The following MGMT variants were observed in gnomAD, a reference collection of about 807,000 sequenced individuals.
MGMT encodes the protein O-6-methylguanine-DNA methyltransferase.
MGMT carries 14 observed loss-of-function variants against 15.9 expected under a neutral mutation model. The observed-to-expected ratio is 0.88, with a 90% confidence interval of 0.58 to 1.37. MGMT has a LOEUF of 1.37. Ranked by LOEUF, MGMT falls within the 40% of genes most tolerant of loss-of-function variation. MGMT has a pLI of 0.00. For synonymous variants in MGMT, 130 were observed against 118.2 expected (o/e 1.10, Z -0.65); for missense variants, 282 against 268.1 (o/e 1.05, Z -0.36).
rs898679808 is a variant in MGMT, at chr10:129,702,780, G to A, written c.126-5115G>A. 2.0e-5 allele frequency among the ~76,000 whole-genome samples: 3 copies of A among 152,366 alleles called. No individual in the cohort carries two copies. In the East Asian group the frequency reaches 5.8e-4, roughly 29 times the overall value. Reference sequence around the variant, plus strand: ...GGACCACAGGGCCGGCATTTCAGTGGTGGGTGAGTTGCAGGGCCCCTGGGG... The same window carrying A: ...GGACCACAGGGCCGGCATTTCAGTGATGGGTGAGTTGCAGGGCCCCTGGGG... On this transcript the variant is annotated intron_variant, in intron 2 of 4. Transcript: ENST00000651593.
intron 2 of MGMT, among the ~76,000 whole-genome samples, chr10:129,594,998 G>C (rs369573508): frequency 1.3e-5 from 2 of 152,168 alleles, no homozygotes; most frequent in Non-Finnish European, 2.9e-5. Flanking sequence ...AGCGCCCCAC[G>C]TCTCACGGTT....
At chr10:129,760,107 G>A (rs1000095108) in intron 4 of MGMT, among the ~76,000 whole-genome samples, 11 of 152,268 alleles carry the variant, frequency 7.2e-5, no homozygotes, top group African/African-American at 2.7e-4. Flanking sequence ...CGTGGCCTGT[G>A]GTGCCTGGGG....
intron 2 of MGMT, among the ~76,000 whole-genome samples, chr10:129,636,670 T>C (rs1847268481): frequency 6.6e-6 from 1 of 152,226 alleles, no homozygotes; most frequent in African/African-American, 2.4e-5. Flanking sequence ...TAGATTGTTT[T>C]GTGGATACCC....
chr10:129,769,695 CCTT>C lies in MGMT; in HGVS notation c.*2701_*2703del, dbSNP rs1475788122. On this transcript the variant is annotated 3_prime_UTR_variant, in exon 5 of 5. Transcript: ENST00000651593. The stretch of plus-strand genomic sequence containing the variant: ...GAGACTGAGTTTTGTGAGGGGTTGT[CCTT>C]CTCCCAGTCTCTCTTCCCGCTGGGA... 6.6e-6 allele frequency among the ~76,000 whole-genome samples: 1 copy of C among 152,186 alleles called. No individual in the cohort carries two copies. The highest frequency in any genetic ancestry group is 2.4e-5 in the African/African-American group (1 of 41,450).
intron 2 of MGMT, among the ~76,000 whole-genome samples, chr10:129,624,102 G>A (rs534936599): frequency 4.6e-5 from 7 of 152,398 alleles, no homozygotes; most frequent in East Asian, 1.9e-4. Context: ...GCGCCTGCGC[G>A]AATCTTCTTG....
intron 2 of MGMT, among the ~76,000 whole-genome samples, chr10:129,656,842 T>G (rs570145561): frequency 6.6e-6 from 1 of 152,180 alleles, no homozygotes; most frequent in South Asian, 2.1e-4. Context: ...GTTTCCAGCT[T>G]GACTTTCCCC....
At chr10:129,624,597 A>G (rs1310670182) in intron 2 of MGMT, among the ~76,000 whole-genome samples, 10 of 152,366 alleles carry the variant, frequency 6.6e-5, no homozygotes, top group Middle Eastern at 6.8e-3. Flanking sequence ...CGAAATAGCA[A>G]ACATACCTGA....
At chr10:129,666,315 GT>G (rs2133109221) in intron 2 of MGMT, among the ~76,000 whole-genome samples, 1 of 152,216 alleles carries the variant, frequency 6.6e-6, no homozygotes, top group South Asian at 2.1e-4. Flanking sequence ...TTGATTCAGG[GT>G]GCATTCACTA....
chr10:129,684,051 C>A (rs1172942368), intron 2 of MGMT, among the ~76,000 whole-genome samples: 2 of 152,234 alleles, frequency 1.3e-5, no homozygotes, highest in African/African-American at 4.8e-5. Flanking sequence ...CTGGTCCCCT[C>A]TGTATTTGCT....
Position 129,571,282 on chromosome 10 carries a change from C to G in MGMT, c.125+34905C>G, listed in dbSNP as rs72838507. Among the ~76,000 whole-genome samples the G allele has an allele frequency of 6.5e-3, 993 of 152,280 alleles. 11 individuals are homozygous for G. The highest frequency in any genetic ancestry group is 8.7e-3 in the South Asian group (42 of 4,816). On this transcript the variant is annotated intron_variant, in intron 2 of 4. Coordinates refer to ENST00000651593, the MANE Select transcript of MGMT (RefSeq NM_002412.5). The stretch of plus-strand genomic sequence containing the variant: ...CAGCCTTCTTACTTCTTAAATGATA[C>G]AGGCGATATTTCCTGTAATAAACAC...
Position 129,708,019 on chromosome 10 carries a change from C to T in MGMT, c.250C>T (p.Leu84Phe), listed in dbSNP as rs12917. ...TATCGAAGAGTTCCCCGTGCCGGCT[C>T]TTCACCATCCCGTTTTCCAGCAAGG... Reference protein sequence around the residue: ...EAIEEFPVPALHHPVFQQESF... With the variant: ...EAIEEFPVPAFHHPVFQQESF... The change falls in exon 3 of 5, where the codon CTT becomes TTT. Residue 84 changes from leucine to phenylalanine, a missense_variant. Coordinates refer to ENST00000651593, the MANE Select transcript of MGMT (RefSeq NM_002412.5). 0.13 allele frequency: 211,813 copies of T among 1,612,866 alleles called. 14,557 individuals carry two copies. The highest frequency in any genetic ancestry group is 0.22 in the Admixed American group (12,930 of 59,776).
chr10:129,562,380 G>A (rs1846291090), intron 2 of MGMT, among the ~76,000 whole-genome samples: 1 of 152,204 alleles, frequency 6.6e-6, no homozygotes. Flanking sequence ...TGATTACAGT[G>A]GGCTGCCATG....
At position 129,532,848 on chromosome 10, in the gene MGMT, TAGTGTCTG is replaced by T. The variant is rs1845947357; in HGVS notation, c.-12-3391_-12-3384del. Among the ~76,000 whole-genome samples the T allele has an allele frequency of 6.6e-6, 1 of 152,180 alleles. No individual in the cohort carries two copies. Among genetic ancestry groups the T allele is most frequent in the Non-Finnish European group, 1.5e-5 (1 of 68,032 alleles). ...GAGGCTTGAGAGAGGAGTGCGCAGCTAGTGTCTGACCAGCCCCCACATGGGGCACTCCC... is the reference window on the plus strand; with the variant it reads ...GAGGCTTGAGAGAGGAGTGCGCAGCTACCAGCCCCCACATGGGGCACTCCC... On this transcript the variant is annotated intron_variant, in intron 1 of 4. Transcript: ENST00000651593. The surrounding 1 kb of genome is among the most constrained non-coding windows in gnomAD (Gnocchi z 5.3).
At chr10:129,763,482 T>C (rs1848898480) in intron 4 of MGMT, among the ~76,000 whole-genome samples, 2 of 152,194 alleles carry the variant, frequency 1.3e-5, no homozygotes, top group African/African-American at 2.4e-5. Context: ...GTCATTGTTA[T>C]TCCGTGCCAT....
At chr10:129,729,758 G>C (rs1192415463) in intron 3 of MGMT, among the ~76,000 whole-genome samples, 1 of 152,204 alleles carries the variant, frequency 6.6e-6, no homozygotes, top group Non-Finnish European at 1.5e-5. Flanking sequence ...TTAGGGCCCA[G>C]CTCCTTTCCG....
intron 2 of MGMT, among the ~76,000 whole-genome samples, chr10:129,654,023 C>T (rs1204121581): frequency 1.3e-5 from 2 of 152,118 alleles, no homozygotes; most frequent in Non-Finnish European, 2.9e-5. Flanking sequence ...AGACTGCGGC[C>T]TGTGCTGGGC....
intron 2 of MGMT, among the ~76,000 whole-genome samples, chr10:129,705,318 G>A (rs1376685595): frequency 2.0e-5 from 3 of 152,244 alleles, no homozygotes; most frequent in African/African-American, 7.2e-5. Context: ...GGTTCGTGCT[G>A]CTGAGGCCCT....
chr10:129,712,926 C>T (rs753627483), intron 3 of MGMT, among the ~76,000 whole-genome samples: 16 of 152,126 alleles, frequency 1.1e-4, no homozygotes, highest in African/African-American at 3.9e-4. Context: ...CCTCCTCACC[C>T]GAGGGTCCTA....
intron 2 of MGMT, among the ~76,000 whole-genome samples, chr10:129,688,196 G>T (rs1211680957): frequency 2.0e-5 from 3 of 152,182 alleles, no homozygotes; most frequent in Non-Finnish European, 2.9e-5. Context: ...AATCCTTGGG[G>T]TATATGTCCA....
Sources: gnomAD v4.1 joint callset for allele counts (sites outside exome capture counted in the v4.1 genomes callset) on GRCh38, gnomAD v4.1.1 for gene constraint, Gnocchi (gnomAD v3.1) non-coding constraint, MANE v1.5 for transcripts, NCBI Gene and HGNC (gene_info 2026-07-23, HGNC 2026-07-21) for gene names.